Variants in ARHGAP12 observed in about 807,000 individuals in gnomAD.
ARHGAP12 encodes the protein rho GTPase-activating protein 12.
ARHGAP12 carries 64 observed loss-of-function variants against 108.6 expected under a neutral mutation model. That is an observed-to-expected ratio of 0.59 (90% CI 0.48 to 0.73). ARHGAP12 has a LOEUF of 0.73. ARHGAP12 is among the 30% of genes least tolerant of loss of function. The probability of loss-of-function intolerance (pLI) is 0.00; values close to 1 mark genes in which losing one functional copy is unlikely to be tolerated. For missense variants in ARHGAP12, 940 were observed against 1,005.9 expected, an observed-to-expected ratio of 0.93 and a Z score of 0.89; for synonymous variants, 312 against 337.2, an observed-to-expected ratio of 0.93 and a Z score of 0.82.
intron 10 of ARHGAP12, among the ~76,000 whole-genome samples, chr10:31,828,313 C>T (rs1250180541): frequency 1.3e-5 from 2 of 151,578 alleles, no homozygotes; most frequent in African/African-American, 4.9e-5. Context: ...AGTCTGAGCA[C>T]CTTTTTCTTT....
intron 13 of ARHGAP12, among the ~76,000 whole-genome samples, chr10:31,815,500 G>A (rs1204290791): frequency 2.0e-5 from 3 of 151,964 alleles, no homozygotes. Flanking sequence ...CTTGACATAT[G>A]ATGGTGCAAG....
chr10:31,827,129 C>T (rs967179825), intron 10 of ARHGAP12, among the ~76,000 whole-genome samples: 1 of 152,118 alleles, frequency 6.6e-6, no homozygotes, highest in Admixed American at 6.5e-5. Flanking sequence ...AGAGGTACGC[C>T]TCACACAGCA....
At position 31,807,221 on chromosome 10, in the gene ARHGAP12, T is replaced by C. The variant is rs1188939143; in HGVS notation, c.*437A>G. The C allele has an allele frequency of 6.5e-6, 1 of 153,200 alleles. No homozygotes were observed. The highest frequency in any genetic ancestry group is 1.5e-5 in the Non-Finnish European group (1 of 68,436). The allele number at this position is 153,200 out of a possible 1,614,324, so 9.5% of individuals were successfully genotyped here. On this transcript the variant is annotated 3_prime_UTR_variant, in exon 20 of 20. Coordinates refer to ENST00000344936, the MANE Select transcript of ARHGAP12 (RefSeq NM_018287.7). ...AAATACACAGGTTTCAAAATGGATATACTTCATTTTGTTTAAAATGCCCAA... is the reference window on the plus strand; with the variant it reads ...AAATACACAGGTTTCAAAATGGATACACTTCATTTTGTTTAAAATGCCCAA...
chr10:31,904,905 A>G (rs1342604890), intron 3 of ARHGAP12, among the ~76,000 whole-genome samples: 6 of 151,920 alleles, frequency 3.9e-5, no homozygotes, highest in Non-Finnish European at 8.8e-5. Flanking sequence ...TGGGATTACA[A>G]GCATGTGCCA....
chr10:31,871,601 G>A (rs1014564741), intron 3 of ARHGAP12, among the ~76,000 whole-genome samples: 3 of 152,178 alleles, frequency 2.0e-5, no homozygotes, highest in Non-Finnish European at 4.4e-5. Context: ...AAGCTGTAAT[G>A]TCTGACAAAT....
chr10:31,873,723 C>T (rs1330077407), intron 3 of ARHGAP12, among the ~76,000 whole-genome samples: 1 of 152,192 alleles, frequency 6.6e-6, no homozygotes, highest in Non-Finnish European at 1.5e-5. Flanking sequence ...TAACTGCTTT[C>T]CCAATCCATA....
At chr10:31,895,255 G>T (rs1005604228) in intron 3 of ARHGAP12, among the ~76,000 whole-genome samples, 5 of 152,196 alleles carry the variant, frequency 3.3e-5, no homozygotes, top group South Asian at 4.1e-4. Context: ...AAATGGGATC[G>T]AATTAAACTA....
intron 19 of ARHGAP12, 38 bp downstream of exon 19, chr10:31,808,611 G>T: frequency 6.3e-7 from 1 of 1,588,374 alleles, no homozygotes; most frequent in South Asian, 1.1e-5. Context: ...GCTTCCCCTT[G>T]TGCTATACCA....
intron 9 of ARHGAP12, among the ~76,000 whole-genome samples, chr10:31,838,285 A>G (rs1465556675): frequency 2.0e-5 from 3 of 152,144 alleles, no homozygotes; most frequent in Non-Finnish European, 4.4e-5. Context: ...TAGGACAACA[A>G]GCAAGAAGGG....
chr10:31,831,832 C>T (rs1835845489), intron 9 of ARHGAP12, 32 bp from the exon 10 acceptor site: 1 of 1,385,438 alleles, frequency 7.2e-7, no homozygotes, highest in Non-Finnish European at 1.0e-6. Flanking sequence ...TTTATACAAT[C>T]ACATAGACAA....
At chr10:31,827,081 G>A (rs1467059005) in intron 10 of ARHGAP12, 1 of 152,208 alleles carries the variant, frequency 6.6e-6, no homozygotes, top group African/African-American at 2.4e-5. Flanking sequence ...GGCTTTTAAA[G>A]AAACTGTCCA....
intron 3 of ARHGAP12, among the ~76,000 whole-genome samples, chr10:31,883,246 G>T (rs1333096701): frequency 6.6e-6 from 1 of 152,134 alleles, no homozygotes; most frequent in Non-Finnish European, 1.5e-5. Flanking sequence ...GGTGAGTTGA[G>T]ATTGCGCCAT....
At position 31,807,526 on chromosome 10, in the gene ARHGAP12, T is replaced by TTC; in HGVS notation, c.*130_*131dup. On this transcript the variant is annotated 3_prime_UTR_variant, in exon 20 of 20. Transcript: ENST00000344936. The stretch of plus-strand genomic sequence containing the variant: ...CACACATCTCGACTCTCCCCTTCCC[T>TTC]TCTGATCCCTCAAAAAAAAAGTGCA... 1 of 796,314 alleles carries TTC rather than the reference T, an allele frequency of 1.3e-6. No homozygotes were observed. Among genetic ancestry groups the TTC allele is most frequent in the Non-Finnish European group, 1.9e-6 (1 of 536,656 alleles). The allele number at this position is 796,314 out of a possible 1,614,324, so 49.3% of individuals were successfully genotyped here. A position where few individuals can be genotyped will look rare whatever the true frequency, so the allele number is the denominator to read the frequency against.
intron 3 of ARHGAP12, among the ~76,000 whole-genome samples, chr10:31,901,807 T>C (rs537063389): frequency 6.6e-6 from 1 of 152,324 alleles, no homozygotes; most frequent in Non-Finnish European, 1.5e-5. Context: ...GCTGGCATTC[T>C]TTGGCTTGTG....
At chr10:31,891,895 C>T (rs928770867) in intron 3 of ARHGAP12, among the ~76,000 whole-genome samples, 5 of 152,134 alleles carry the variant, frequency 3.3e-5, no homozygotes, top group Non-Finnish European at 7.3e-5. Flanking sequence ...CTTGTGCATT[C>T]GTCACATAGT....
At position 31,865,072 on chromosome 10, in the gene ARHGAP12, G is replaced by A. The variant is rs78687382; in HGVS notation, c.685-3414C>T. ...TCAGGGAATGATGCTGACATACTGA[G>A]TATGTAAAAGGAGCAGCAAGTGAAA... On this transcript the variant is annotated intron_variant, in intron 3 of 19. Coordinates refer to ENST00000344936, the MANE Select transcript of ARHGAP12 (RefSeq NM_018287.7). Among the ~76,000 whole-genome samples, 100 of 152,278 alleles carry A rather than the reference G, an allele frequency of 6.6e-4. 1 individual carries two copies. The East Asian group carries it at 0.015, about 22-fold the overall frequency.
chr10:31,839,258 A>C (rs1276518399), intron 9 of ARHGAP12, 47 bp downstream of exon 9: 2 of 1,561,428 alleles, frequency 1.3e-6, no homozygotes, highest in Non-Finnish European at 1.8e-6. Flanking sequence ...ACAGCATAGA[A>C]AATGAAGGTG....
chr10:31,861,958 T>C (rs181792319), intron 3 of ARHGAP12, among the ~76,000 whole-genome samples: 29 of 152,330 alleles, frequency 1.9e-4, no homozygotes, highest in East Asian at 5.8e-4. Flanking sequence ...AGTTGTATGA[T>C]ATTGGGTAAC....
At chr10:31,822,723 T>C (rs1191758058) in intron 11 of ARHGAP12, among the ~76,000 whole-genome samples, 2 of 152,134 alleles carry the variant, frequency 1.3e-5, no homozygotes, top group African/African-American at 2.4e-5. Context: ...TCTTCTGGTG[T>C]CCCTTTCCAA....
Sources: gnomAD v4.1 joint callset for allele counts (sites outside exome capture counted in the v4.1 genomes callset) on GRCh38, gnomAD v4.1.1 for gene constraint, MANE v1.5 for transcripts, NCBI Gene and HGNC (gene_info 2026-07-23, HGNC 2026-07-21) for gene names.